Variants in PPP1R9A observed in about 807,000 individuals in gnomAD.
PPP1R9A encodes protein phosphatase 1 regulatory subunit 9A, also known as neurabin-1.
A neutral mutation model predicts 141.9 loss-of-function variants in PPP1R9A; 59 were observed. The observed-to-expected ratio is 0.42, with a 90% CI of 0.34 to 0.52. The LOEUF is 0.52. PPP1R9A is among the 20% of genes least tolerant of loss of function. PPP1R9A has a pLI of 0.10. For synonymous variants in PPP1R9A, 500 were observed against 569.7 expected (o/e 0.88, Z 1.74); for missense variants, 1,444 against 1,611.9 (o/e 0.90, Z 1.78).
rs1052080902 is a variant in PPP1R9A, at chr7:95,232,247, TA to T, written c.2112+6139del. Among the ~76,000 whole-genome samples the T allele has an allele frequency of 5.9e-5, 9 of 151,746 alleles. No homozygotes were observed. The East Asian group carries it at 9.7e-4, about 16-fold the overall frequency. ...CAGGCAGAGAGATTGAAATGGTAAT[TA>T]AAAAAAATTGCCAACAATGAGGAAA... On this transcript the variant is annotated intron_variant, in intron 8 of 19. Coordinates refer to ENST00000433360, the MANE Select transcript of PPP1R9A (RefSeq NM_001166160.2).
intron 2 of PPP1R9A, among the ~76,000 whole-genome samples, chr7:94,920,040 A>G (rs1461271787): frequency 6.6e-6 from 1 of 152,206 alleles, no homozygotes; most frequent in Non-Finnish European, 1.5e-5. Flanking sequence ...TCAAAGAGAA[A>G]ATTCTGGACA....
At chr7:95,141,034 T>C (rs979287240) in intron 4 of PPP1R9A, among the ~76,000 whole-genome samples, 2 of 152,206 alleles carry the variant, frequency 1.3e-5, no homozygotes, top group Non-Finnish European at 2.9e-5. Context: ...TTAGTTTTAA[T>C]GAAACCACCA....
At position 95,273,979 on chromosome 7, in the gene PPP1R9A, G is replaced by C; in HGVS notation, c.3205G>C (p.Asp1069His). The change falls in exon 15 of 20, where the codon GAT becomes CAT. Residue 1069 changes from aspartate (D) to histidine (H), a missense_variant. Transcript: ENST00000433360. Reference sequence around the variant, plus strand: ...AGGAAAAATTAAGCGGAAGTTTGTGGATCTGGGGTAAGCACTTCACGATGT... The same window carrying C: ...AGGAAAAATTAAGCGGAAGTTTGTGCATCTGGGGTAAGCACTTCACGATGT... ...QGGKIKRKFV[D>H]LGAPLRRNSS... The C allele has an allele frequency of 1.3e-6, 2 of 1,504,318 alleles. No individual in the cohort carries two copies. Among genetic ancestry groups the C allele is most frequent in the Non-Finnish European group, 9.1e-7 (1 of 1,094,866 alleles). The allele number at this position is 1,504,318 out of a possible 1,614,324, so 93.2% of individuals were successfully genotyped here. A position where few individuals can be genotyped will look rare whatever the true frequency, so the allele number is the denominator to read the frequency against.
At chr7:94,929,464 C>G (rs1023873399) in intron 2 of PPP1R9A, among the ~76,000 whole-genome samples, 19 of 152,154 alleles carry the variant, frequency 1.2e-4, no homozygotes, top group Non-Finnish European at 2.4e-4. Flanking sequence ...TGCAACCTAA[C>G]AGCGAGGCAC....
intron 2 of PPP1R9A, among the ~76,000 whole-genome samples, chr7:94,963,634 T>C (rs1797887165): frequency 6.6e-6 from 1 of 152,220 alleles, no homozygotes; most frequent in Non-Finnish European, 1.5e-5. Flanking sequence ...CTTTTTGTAG[T>C]CAAATAATAT....
chr7:94,931,693 C>T (rs1794175460), intron 2 of PPP1R9A, among the ~76,000 whole-genome samples: 1 of 152,172 alleles, frequency 6.6e-6, no homozygotes, highest in Admixed American at 6.5e-5. Flanking sequence ...ATTCTCCTGC[C>T]TCAGCCTCCT....
intron 4 of PPP1R9A, among the ~76,000 whole-genome samples, chr7:95,131,245 A>C (rs1483743525): frequency 6.6e-6 from 1 of 152,066 alleles, no homozygotes; most frequent in African/African-American, 2.4e-5. Context: ...TCACGAGATA[A>C]TGATGGTTTT....
intron 2 of PPP1R9A, among the ~76,000 whole-genome samples, chr7:95,073,160 AT>A (rs1263807744): frequency 6.7e-6 from 1 of 149,878 alleles, no homozygotes; most frequent in Admixed American, 6.7e-5. Flanking sequence ...TAATTTTTGT[AT>A]TTTTTGTAGA....
intron 8 of PPP1R9A, among the ~76,000 whole-genome samples, chr7:95,242,030 A>G (rs1194635826): frequency 6.6e-6 from 1 of 152,136 alleles, no homozygotes; most frequent in Non-Finnish European, 1.5e-5. Flanking sequence ...AGATTGTGAT[A>G]TTGTTCAGTC....
At chr7:95,285,875 T>G (rs1805220442) in intron 17 of PPP1R9A, among the ~76,000 whole-genome samples, 1 of 152,238 alleles carries the variant, frequency 6.6e-6, no homozygotes, top group Non-Finnish European at 1.5e-5. Context: ...ACACTGTTAC[T>G]CATCACGATT....
intron 4 of PPP1R9A, among the ~76,000 whole-genome samples, chr7:95,146,731 C>T (rs1827691805): frequency 6.6e-6 from 1 of 152,162 alleles, no homozygotes; most frequent in Admixed American, 6.5e-5. Context: ...CTAGTTTTCT[C>T]AACACCATTT....
Position 94,910,928 on chromosome 7 carries a change from A to G in PPP1R9A, c.815A>G (p.His272Arg). 1 of 1,614,144 alleles carries G rather than the reference A, an allele frequency of 6.2e-7. No individual in the cohort carries two copies. Among genetic ancestry groups the G allele is most frequent in the Non-Finnish European group, 8.5e-7 (1 of 1,180,004 alleles). The change falls in exon 2 of 20, where the codon CAC becomes CGC. Residue 272 changes from histidine (H) to arginine (R), a missense_variant. Physicochemically the swap from His to Arg is conservative, Grantham distance 29. Coordinates refer to ENST00000433360, the MANE Select transcript of PPP1R9A (RefSeq NM_001166160.2). This position sits in a 1 kb window ranked among gnomAD's most constrained non-coding sequence, Gnocchi z 4.5. ...NKRGVDTEDA[H>R]KSNATPVPEV... ...CGAGGTGTTGATACAGAGGATGCTC[A>G]CAAGAGTAATGCAACTCCAGTACCA...
chr7:95,099,090 G>A (rs748881079), intron 2 of PPP1R9A, among the ~76,000 whole-genome samples: 13 of 152,102 alleles, frequency 8.5e-5, no homozygotes, highest in Non-Finnish European at 1.5e-5. Context: ...TCCTCCATGG[G>A]CTTTTAGAAA....
intron 2 of PPP1R9A, among the ~76,000 whole-genome samples, chr7:95,080,380 A>G (rs1815615524): frequency 6.6e-6 from 1 of 152,134 alleles, no homozygotes; most frequent in East Asian, 1.9e-4. Flanking sequence ...TCCAACTTAC[A>G]AGGGACGTGA....
chr7:95,077,753 C>T (rs533247643), intron 2 of PPP1R9A, among the ~76,000 whole-genome samples: 75 of 152,148 alleles, frequency 4.9e-4, no homozygotes, highest in African/African-American at 1.6e-3. Flanking sequence ...CAGCTAAAAA[C>T]GAAGAAAGGT....
At chr7:95,161,838 A>T in intron 4 of PPP1R9A, 29 bp from the exon 5 acceptor site, 1 of 1,407,594 alleles carries the variant, frequency 7.1e-7, no homozygotes, top group African/African-American at 1.4e-5. Context: ...TATGTAATTT[A>T]TGTGGGTAAT....
chr7:95,117,839 C>T (rs948969287), intron 3 of PPP1R9A, among the ~76,000 whole-genome samples: 2 of 152,080 alleles, frequency 1.3e-5, no homozygotes, highest in Non-Finnish European at 2.9e-5. Flanking sequence ...AATACTAATA[C>T]ATATATACAC....
intron 4 of PPP1R9A, among the ~76,000 whole-genome samples, chr7:95,139,615 A>G (rs1277725831): frequency 6.6e-6 from 1 of 152,118 alleles, no homozygotes; most frequent in Non-Finnish European, 1.5e-5. Context: ...TATCTTATCC[A>G]GTAAGGTAGG....
chr7:95,157,490 G>A (rs1266934882), intron 4 of PPP1R9A, among the ~76,000 whole-genome samples: 2 of 152,112 alleles, frequency 1.3e-5, no homozygotes, highest in African/African-American at 4.8e-5. Context: ...CACCCGGGGA[G>A]TTCCCACCCC....
Sources: gnomAD v4.1 joint callset for allele counts (sites outside exome capture counted in the v4.1 genomes callset) on GRCh38, gnomAD v4.1.1 for gene constraint, Gnocchi (gnomAD v3.1) non-coding constraint, MANE v1.5 for transcripts, NCBI Gene and HGNC (gene_info 2026-07-23, HGNC 2026-07-21) for gene names.